Variants in KANK1 observed in about 807,000 individuals in gnomAD.
KANK1 encodes the protein KN motif and ankyrin repeat domain-containing protein 1.
A neutral mutation model predicts 106.2 loss-of-function variants in KANK1; 109 were observed. That is an observed-to-expected ratio of 1.03 (90% CI 0.88 to 1.20). The LOEUF is 1.20. Ranked by LOEUF, KANK1 falls within the 50% of genes most tolerant of loss-of-function variation. KANK1 has a pLI of 0.00. For missense variants in KANK1, 2,399 were observed against 1,710.7 expected (o/e 1.40, Z -7.10); for synonymous variants, 873 against 652.2 (o/e 1.34, Z -5.16).
intron 1 of KANK1, chr9:673,913 C>A (rs898496089): frequency 2.0e-5 from 3 of 152,070 alleles, no homozygotes; most frequent in Non-Finnish European, 4.4e-5. Context: ...TGGTTGTTAG[C>A]TTTTAAAAGC....
At chr9:673,724 T>A (rs1364287128) in intron 1 of KANK1, 1 of 152,124 alleles carries the variant, frequency 6.6e-6, no homozygotes, top group Non-Finnish European at 1.5e-5. Flanking sequence ...TGGGCACATC[T>A]CCATCCAAAT....
At chr9:571,578 A>ATT (rs200350172) in intron 1 of KANK1, among the ~76,000 whole-genome samples, 1,555 of 151,746 alleles carry the variant, frequency 0.01, 18 homozygotes, top group Admixed American at 0.017. Flanking sequence ...AAAAAAAAAA[A>ATT]TTTTAAAAAC....
chr9:657,773 G>A (rs1358042144), intron 1 of KANK1, among the ~76,000 whole-genome samples: 1 of 152,014 alleles, frequency 6.6e-6, no homozygotes, highest in Non-Finnish European at 1.5e-5. Context: ...CCCCTTCTAG[G>A]TCAGACAGTT....
rs1020221349 is a variant in KANK1, at chr9:508,041, T to G, written c.-84+3287T>G. The stretch of plus-strand genomic sequence containing the variant: ...TTTACCATGTTGGCCAGGCTGGTCT[T>G]GAACTCGTGACGTCAGGTTATCCAT... On this transcript the variant is annotated intron_variant, in intron 1 of 11. Transcript: ENST00000382297. 3.5e-4 allele frequency among the ~76,000 whole-genome samples: 53 copies of G among 151,380 alleles called. 1 individual carries two copies. The highest frequency in any genetic ancestry group is 1.3e-3 in the African/African-American group (53 of 41,184).
intron 1 of KANK1, among the ~76,000 whole-genome samples, chr9:631,168 C>T (rs1835644224): frequency 6.6e-6 from 1 of 152,066 alleles, no homozygotes; most frequent in Non-Finnish European, 1.5e-5. Flanking sequence ...TACTCCTTTG[C>T]CTTTGAGACA....
At chr9:702,912 C>T (rs1268880923) in intron 2 of KANK1, among the ~76,000 whole-genome samples, 1 of 152,154 alleles carries the variant, frequency 6.6e-6, no homozygotes, top group Admixed American at 6.6e-5. Flanking sequence ...CTCTCGTTAA[C>T]TCGGTTCTGT....
intron 1 of KANK1, among the ~76,000 whole-genome samples, chr9:510,400 A>G (rs992477998): frequency 6.6e-6 from 1 of 152,222 alleles, no homozygotes; most frequent in Non-Finnish European, 1.5e-5. Context: ...CAGTTAGGCA[A>G]AATTCTTACA....
intron 1 of KANK1, among the ~76,000 whole-genome samples, chr9:510,752 T>C (rs1471724335): frequency 6.6e-6 from 1 of 152,224 alleles, no homozygotes; most frequent in Non-Finnish European, 1.5e-5. Context: ...GGGAGAAAGC[T>C]GTTTGGTACA....
At chr9:600,191 A>G (rs1409624254) in intron 1 of KANK1, among the ~76,000 whole-genome samples, 2 of 151,714 alleles carry the variant, frequency 1.3e-5, no homozygotes, top group African/African-American at 2.4e-5. Flanking sequence ...CTGTTATACA[A>G]CAACTCCCCA....
In KANK1 at chr9:514,490, G is replaced by C. The variant is rs998236740; in HGVS notation, c.-84+9736G>C. 2.6e-4 allele frequency among the ~76,000 whole-genome samples: 39 copies of C among 150,506 alleles called. 1 individual carries two copies. The highest frequency in any genetic ancestry group is 9.5e-4 in the African/African-American group (38 of 40,190). On this transcript the variant is annotated intron_variant, in intron 1 of 11. Coordinates refer to ENST00000382297, the MANE Select transcript of KANK1 (RefSeq NM_015158.5). ...CTTCTAGTCACAACTCTTGCCCCGA[G>C]GGTATCCTTACTTCTAATATCATAG... is the stretch of plus-strand genomic sequence containing the variant.
In KANK1 at chr9:542,210, A is replaced by G. The variant is rs1028195739; in HGVS notation, c.-84+37456A>G. ...TCAGGGAAATGCAAATTAAAACCAC[A>G]GTGAGTGGCCAGATGCAGTGGCTCA... is the stretch of plus-strand genomic sequence containing the variant. On this transcript the variant is annotated intron_variant, in intron 1 of 11. Transcript: ENST00000382297. Among the ~76,000 whole-genome samples the G allele has an allele frequency of 1.6e-4, 24 of 152,144 alleles. 1 individual carries two copies. Among genetic ancestry groups the G allele is most frequent in the Admixed American group, 7.9e-4 (12 of 15,278 alleles).
At chr9:558,513 A>G (rs1815488852) in intron 1 of KANK1, among the ~76,000 whole-genome samples, 1 of 152,234 alleles carries the variant, frequency 6.6e-6, no homozygotes, top group African/African-American at 2.4e-5. Flanking sequence ...TTGATTCATT[A>G]ACATTGACCT....
At position 711,421 on chromosome 9, in the gene KANK1, A is replaced by G. The variant is rs778723215; in HGVS notation, c.655A>G (p.Asn219Asp). The change falls in exon 3 of 12, where the codon AAT becomes GAT. Residue 219 changes from asparagine to aspartate, a missense_variant. Coordinates refer to ENST00000382297, the MANE Select transcript of KANK1 (RefSeq NM_015158.5). ...CCAGCTTCAGAATGGATACCAAGGT[A>G]ATGGGGATTATGGTAGCTATGCCCC... ...KHQLQNGYQG[N>D]GDYGSYAPAA... 6.2e-7 allele frequency: 1 copy of G among 1,614,132 alleles called. No homozygotes were observed. The highest frequency in any genetic ancestry group is 2.2e-5 in the East Asian group (1 of 44,880).
At chr9:545,853 C>A (rs796844203) in intron 1 of KANK1, among the ~76,000 whole-genome samples, 1 of 149,168 alleles carries the variant, frequency 6.7e-6, no homozygotes, top group African/African-American at 2.5e-5. Context: ...TCAGGTGATT[C>A]TTCTGCCTCA....
At chr9:577,290 C>G (rs1009380375) in intron 1 of KANK1, among the ~76,000 whole-genome samples, 2 of 152,134 alleles carry the variant, frequency 1.3e-5, no homozygotes. Flanking sequence ...TTACAGAGAG[C>G]TGATTGATCC....
At chr9:476,352 C>T (rs1455113303) in intron 3 of KANK1, among the ~76,000 whole-genome samples, 1 of 152,020 alleles carries the variant, frequency 6.6e-6, no homozygotes, top group African/African-American at 2.4e-5. Flanking sequence ...GAAACCCTGT[C>T]TCTACTAAAA....
chr9:587,657 T>C (rs1012099902), intron 1 of KANK1, among the ~76,000 whole-genome samples: 1 of 152,222 alleles, frequency 6.6e-6, no homozygotes, highest in East Asian at 1.9e-4. Context: ...TTGAGTAACA[T>C]TTATTACATG....
At position 475,245 on chromosome 9, in the gene KANK1, G is replaced by GAAAGCATCTGTACCATTCCAGCA. The variant is rs777868712; in HGVS notation, c.-362+1975_-362+1997dup. Among the ~76,000 whole-genome samples, 216 of 152,330 alleles carry GAAAGCATCTGTACCATTCCAGCA rather than the reference G, an allele frequency of 1.4e-3. 2 individuals are homozygous for GAAAGCATCTGTACCATTCCAGCA. The highest frequency in any genetic ancestry group is 2.4e-3 in the Non-Finnish European group (162 of 68,024). The stretch of plus-strand genomic sequence containing the variant: ...CGCTGGTAAGGGAAGAAAGCCTCAA[G>GAAAGCATCTGTACCATTCCAGCA]AAAGCATCTGTACCATTCCAGCAAA... On this transcript the variant is annotated intron_variant, in intron 3 of 15. Coordinates refer to the KANK1 transcript ENST00000382303.
chr9:509,398 CCT>C (rs1166730335), intron 1 of KANK1, among the ~76,000 whole-genome samples: 1 of 152,148 alleles, frequency 6.6e-6, no homozygotes, highest in Admixed American at 6.5e-5. Flanking sequence ...CCCAATATGA[CCT>C]ATATTTACCC....
Sources: gnomAD v4.1 joint callset for allele counts (sites outside exome capture counted in the v4.1 genomes callset) on GRCh38, gnomAD v4.1.1 for gene constraint, MANE v1.5 for transcripts, NCBI Gene and HGNC (gene_info 2026-07-23, HGNC 2026-07-21) for gene names.